Variants in TXNDC16 observed in about 807,000 individuals in gnomAD.
The protein encoded by TXNDC16 is thioredoxin domain-containing protein 16.
Under a neutral mutation model 85.6 loss-of-function variants are expected in TXNDC16, and 74 were observed. The observed-to-expected ratio is 0.86, with a 90% CI of 0.72 to 1.05. TXNDC16 has a LOEUF of 1.05. Among genes scored for constraint, TXNDC16 ranks in the 50% least tolerant of loss-of-function variants. TXNDC16 has a pLI of 0.00. For missense variants in TXNDC16, 959 were observed against 947.0 expected (o/e 1.01, Z -0.17); for synonymous variants, 335 against 326.5 (o/e 1.03, Z -0.28).
intron 11 of TXNDC16, among the ~76,000 whole-genome samples, chr14:52,489,045 A>G (rs1331906526): frequency 1.3e-5 from 2 of 152,162 alleles, no homozygotes; most frequent in Non-Finnish European, 2.9e-5. Flanking sequence ...TCACAACCAC[A>G]TTATACTGAA....
intron 4 of TXNDC16, among the ~76,000 whole-genome samples, chr14:52,538,506 T>C (rs766060785): frequency 1.3e-5 from 2 of 152,170 alleles, no homozygotes; most frequent in Non-Finnish European, 2.9e-5. Flanking sequence ...CACATTAGCG[T>C]AGGTCATGGA....
At chr14:52,522,734 C>A (rs1294476231) in intron 6 of TXNDC16, among the ~76,000 whole-genome samples, 2 of 152,164 alleles carry the variant, frequency 1.3e-5, no homozygotes, top group Non-Finnish European at 2.9e-5. Flanking sequence ...AGTTCTCTAG[C>A]CCTTCTATCA....
chr14:52,530,739 C>G (rs1231432948), intron 6 of TXNDC16, among the ~76,000 whole-genome samples: 1 of 143,782 alleles, frequency 7.0e-6, no homozygotes, highest in Admixed American at 7.5e-5. Context: ...CAGTATATGT[C>G]TGTATACGTC....
chr14:52,497,307 A>G lies in TXNDC16; in HGVS notation c.757-6302T>C, dbSNP rs185693764. Among the ~76,000 whole-genome samples the G allele has an allele frequency of 3.1e-4, 47 of 152,292 alleles. No individual in the cohort carries two copies. The East Asian group carries it at 8.5e-3, about 28-fold the overall frequency. Reference sequence around the variant, plus strand: ...AATAGAAAATCTGAACAGATCTAGAACTAGTAAGAAAATTAAATCAGTAAT... The same window carrying G: ...AATAGAAAATCTGAACAGATCTAGAGCTAGTAAGAAAATTAAATCAGTAAT... On this transcript the variant is annotated intron_variant, in intron 9 of 20. Transcript: ENST00000281741.
At chr14:52,449,877 A>G (rs2140109967) in intron 18 of TXNDC16, among the ~76,000 whole-genome samples, 1 of 152,206 alleles carries the variant, frequency 6.6e-6, no homozygotes, top group African/African-American at 2.4e-5. Context: ...AAGAAATTAA[A>G]AAAGAAATTT....
chr14:52,530,912 T>C (rs2037560502), intron 6 of TXNDC16, among the ~76,000 whole-genome samples: 1 of 151,758 alleles, frequency 6.6e-6, no homozygotes, highest in Non-Finnish European at 1.5e-5. Context: ...AGCAACAAAC[T>C]GGCTTGTCTG....
intron 4 of TXNDC16, among the ~76,000 whole-genome samples, chr14:52,541,304 A>G (rs993910552): frequency 6.6e-6 from 1 of 152,130 alleles, no homozygotes; most frequent in African/African-American, 2.4e-5. Flanking sequence ...CATGAACCTT[A>G]GCATTCTATT....
intron 8 of TXNDC16, 36 bp downstream of exon 8, chr14:52,514,844 A>C: frequency 6.6e-7 from 1 of 1,503,896 alleles, no homozygotes; most frequent in Non-Finnish European, 9.1e-7. Context: ...GAAAAAAAAA[A>C]CCTTTAAATT....
rs1418243192 is a variant in TXNDC16 at position 52,440,573 on chromosome 14, C to T, written c.1994G>A (p.Trp665Ter). ...ATAAACACATACTTACAGATTTAAC[C>T]AGCATGGAGTAAATGAATCCAAGTA... ...QKYLDSFTPC[W>*]LNLKNTPVGR... The change falls in exon 19 of 21, where the codon TGG (tryptophan) becomes TAG (stop). Residue 665 changes from tryptophan to a stop codon, truncating the protein, a stop_gained. Coordinates refer to ENST00000281741, the MANE Select transcript of TXNDC16 (RefSeq NM_020784.3). LOFTEE classifies it high-confidence loss of function. 1 of 1,587,596 alleles carries T rather than the reference C, an allele frequency of 6.3e-7. No homozygotes were observed. The highest frequency in any genetic ancestry group is 2.3e-5 in the East Asian group (1 of 43,620).
At chr14:52,440,918 T>C (rs2035149790) in intron 18 of TXNDC16, among the ~76,000 whole-genome samples, 194 bp from the exon 19 acceptor site, 1 of 152,194 alleles carries the variant, frequency 6.6e-6, no homozygotes, top group African/African-American at 2.4e-5. Context: ...CTCATCTGAA[T>C]GAGTTATTTT....
intron 20 of TXNDC16, 68 bp downstream of exon 20, chr14:52,439,136 T>G: frequency 6.3e-6 from 9 of 1,424,460 alleles, no homozygotes; most frequent in Non-Finnish European, 7.8e-6. Flanking sequence ...TCTTTAGCTA[T>G]ATTTAGAGTT....
intron 9 of TXNDC16, among the ~76,000 whole-genome samples, chr14:52,493,122 A>T (rs1259692428): frequency 6.6e-6 from 1 of 150,800 alleles, no homozygotes; most frequent in Non-Finnish European, 1.5e-5. Flanking sequence ...TTTTTTTTTT[A>T]AAGAAAAAAT....
chr14:52,444,818 C>T (rs1448906124), intron 18 of TXNDC16, among the ~76,000 whole-genome samples: 6 of 152,046 alleles, frequency 3.9e-5, no homozygotes. Flanking sequence ...AATTCAAATT[C>T]TAGAAATTTA....
chr14:52,550,014 C>A (rs1039884162), intron 1 of TXNDC16, among the ~76,000 whole-genome samples: 1 of 152,128 alleles, frequency 6.6e-6, no homozygotes. Flanking sequence ...AATATTAAAT[C>A]TTTATGCATT....
chr14:52,507,551 T>A (rs1403100489), intron 9 of TXNDC16, among the ~76,000 whole-genome samples: 1 of 152,088 alleles, frequency 6.6e-6, no homozygotes, highest in Non-Finnish European at 1.5e-5. Context: ...CTTCACAGAA[T>A]TGGAAAAAAC....
chr14:52,530,298 AAT>A (rs1566582045), intron 6 of TXNDC16, among the ~76,000 whole-genome samples: 5 of 52,042 alleles, frequency 9.6e-5, no homozygotes, highest in Non-Finnish European at 1.3e-4. Context: ...TATTATATAT[AAT>A]ATTAATATAT....
chr14:52,543,664 T>A (rs1566591135), intron 2 of TXNDC16, 34 bp from the exon 3 acceptor site: 7 of 1,235,412 alleles, frequency 5.7e-6, no homozygotes, highest in Non-Finnish European at 3.4e-6. Flanking sequence ...AAGAGTTTGT[T>A]GAATGAATTT....
intron 9 of TXNDC16, among the ~76,000 whole-genome samples, chr14:52,505,312 T>C (rs868339273): frequency 2.6e-5 from 4 of 152,142 alleles, no homozygotes; most frequent in Non-Finnish European, 5.9e-5. Context: ...ATTGACCACA[T>C]AGTTGGAAGT....
rs146988681 is a variant in TXNDC16 at position 52,432,458 on chromosome 14, T to C, written c.2324A>G (p.Glu775Gly). ...PKCMKETDVQ[E>G]NDKEQHEDKS... ...ATCTTCATGTTGTTCCTTATCATTC[T>C]CCTGCACATCTGTTTCTTTCATACA... Residue 775 changes from glutamate to glycine, a missense_variant, in exon 21 of 21, where the codon GAG becomes GGG. Coordinates refer to ENST00000281741, the MANE Select transcript of TXNDC16 (RefSeq NM_020784.3). The C allele has an allele frequency of 1.6e-5, 26 of 1,613,970 alleles. No homozygotes were observed. Among genetic ancestry groups the C allele is most frequent in the Non-Finnish European group, 2.2e-5 (26 of 1,179,988 alleles).
Sources: allele counts gnomAD v4.1 joint callset (sites outside exome capture counted in the v4.1 genomes callset), GRCh38; gene constraint gnomAD v4.1.1; transcripts MANE v1.5; gene names NCBI Gene and HGNC (gene_info 2026-07-23, HGNC 2026-07-21).